PPM1H: variants seen among roughly 807,000 people sequenced by gnomAD.
The protein encoded by PPM1H is protein phosphatase, Mg2+/Mn2+ dependent 1H.
A neutral mutation model predicts 54.9 loss-of-function variants in PPM1H; 27 were observed. The ratio of observed to expected loss-of-function variants is 0.49; its 90% CI spans 0.36 to 0.68. PPM1H has a LOEUF of 0.68. PPM1H is among the 30% of genes least tolerant of loss of function. The pLI is 0.00. For missense variants in PPM1H, 596 were observed against 667.8 expected (o/e 0.89, Z 1.19); for synonymous variants, 305 against 270.8 (o/e 1.13, Z -1.24).
chr12:62,914,970 C>T (rs539812554), intron 1 of PPM1H, among the ~76,000 whole-genome samples: 105 of 152,330 alleles, frequency 6.9e-4, no homozygotes, highest in Non-Finnish European at 1.1e-3. Context: ...CTGTTTCACT[C>T]CCATATCTGC....
At chr12:62,691,015 A>G (rs1408158507) in intron 7 of PPM1H, among the ~76,000 whole-genome samples, 1 of 152,200 alleles carries the variant, frequency 6.6e-6, no homozygotes, top group Admixed American at 6.5e-5. Flanking sequence ...GAAACTTGGT[A>G]AGGGAGATAA....
At chr12:62,874,854 C>T (rs907289624) in intron 1 of PPM1H, among the ~76,000 whole-genome samples, 1 of 152,206 alleles carries the variant, frequency 6.6e-6, no homozygotes, top group Admixed American at 6.5e-5. Context: ...ACTGTCTCGC[C>T]ATTTTCAGTC....
At chr12:62,887,896 G>A (rs1272209066) in intron 1 of PPM1H, among the ~76,000 whole-genome samples, 1 of 152,204 alleles carries the variant, frequency 6.6e-6, no homozygotes, top group Non-Finnish European at 1.5e-5. Context: ...AGTTTGCATG[G>A]TTAGAGAACA....
chr12:62,884,959 G>A (rs922460001), intron 1 of PPM1H, among the ~76,000 whole-genome samples: 2 of 152,170 alleles, frequency 1.3e-5, no homozygotes, highest in Non-Finnish European at 2.9e-5. Context: ...AGACACACCC[G>A]AGTCTGGGAA....
chr12:62,819,233 G>T (rs2076887922), intron 2 of PPM1H, among the ~76,000 whole-genome samples: 1 of 150,096 alleles, frequency 6.7e-6, no homozygotes, highest in South Asian at 2.1e-4. Flanking sequence ...AAGTTAAAGT[G>T]ATTCTCCTGC....
intron 1 of PPM1H, among the ~76,000 whole-genome samples, chr12:62,858,579 A>G (rs7299978): frequency 0.12 from 17,931 of 152,220 alleles, 1,145 homozygotes; most frequent in African/African-American, 0.15. Context: ...AGAAATTGTG[A>G]GTAAACTGCC....
At chr12:62,918,779 A>G (rs572394126) in intron 1 of PPM1H, among the ~76,000 whole-genome samples, 18 of 152,356 alleles carry the variant, frequency 1.2e-4, no homozygotes, top group Middle Eastern at 3.4e-3. Context: ...ATAGAGTAAA[A>G]TATTTGTTTA....
At chr12:62,925,107 T>C (rs1871934071) in intron 1 of PPM1H, among the ~76,000 whole-genome samples, 1 of 151,896 alleles carries the variant, frequency 6.6e-6, no homozygotes, top group Non-Finnish European at 1.5e-5. Context: ...TATAAATAGA[T>C]GAATATCAAA....
At chr12:62,861,656 A>C (rs1869606023) in intron 1 of PPM1H, among the ~76,000 whole-genome samples, 2 of 152,268 alleles carry the variant, frequency 1.3e-5, no homozygotes, top group Admixed American at 6.5e-5. Context: ...AGAAAGAGGC[A>C]GGTGAGGAAA....
At chr12:62,705,635 G>C (rs2076168835) in intron 6 of PPM1H, among the ~76,000 whole-genome samples, 1 of 152,174 alleles carries the variant, frequency 6.6e-6, no homozygotes, top group Admixed American at 6.5e-5. Context: ...TTCTGATTCA[G>C]TATCCACTTG....
chr12:62,801,793 C>G, intron 3 of PPM1H, 23 bp downstream of exon 3: 1 of 1,611,920 alleles, frequency 6.2e-7, no homozygotes, highest in Non-Finnish European at 8.5e-7. Context: ...GCCCTGCTGC[C>G]CCAGACTCCC....
chr12:62,888,648 T>G (rs1870675407), intron 1 of PPM1H, among the ~76,000 whole-genome samples: 1 of 152,192 alleles, frequency 6.6e-6, no homozygotes, highest in African/African-American at 2.4e-5. Flanking sequence ...CCCTGTATTT[T>G]GTAACACGGA....
At position 62,832,290 on chromosome 12, in the gene PPM1H, A is replaced by G. The variant is rs1281664606; in HGVS notation, c.246-11T>C. 1.9e-6 allele frequency: 3 copies of G among 1,600,902 alleles called. No individual in the cohort carries two copies. The highest frequency in any genetic ancestry group is 2.6e-6 in the Non-Finnish European group (3 of 1,173,590). On this transcript the variant is annotated splice_polypyrimidine_tract_variant and intron_variant, in intron 1 of 9. Transcript: ENST00000228705. ...CCGGCATTGATAACCCTGGAGAAGA[A>G]GCCGGAAAAGCTGGTCAGACAGACC... is the stretch of plus-strand genomic sequence containing the variant.
intron 2 of PPM1H, among the ~76,000 whole-genome samples, chr12:62,831,510 T>C (rs1047046816): frequency 2.6e-5 from 4 of 152,018 alleles, no homozygotes; most frequent in Non-Finnish European, 5.9e-5. Context: ...CCAATTGAAA[T>C]AGATATTTAT....
intron 5 of PPM1H, among the ~76,000 whole-genome samples, chr12:62,729,846 T>C (rs1215663688): frequency 6.6e-6 from 1 of 152,222 alleles, no homozygotes; most frequent in East Asian, 1.9e-4. Context: ...TATTTACCCA[T>C]TCTACTTTCC....
intron 4 of PPM1H, among the ~76,000 whole-genome samples, chr12:62,752,011 T>C (rs1717540216): frequency 6.6e-6 from 1 of 152,202 alleles, no homozygotes. Flanking sequence ...GGGAAGCCCA[T>C]CTCTCATTCG....
intron 1 of PPM1H, among the ~76,000 whole-genome samples, chr12:62,887,628 G>A (rs1246051886): frequency 1.3e-5 from 2 of 152,174 alleles, no homozygotes; most frequent in African/African-American, 4.8e-5. Context: ...TATTTTATTT[G>A]TGGGAAACCA....
intron 4 of PPM1H, among the ~76,000 whole-genome samples, chr12:62,776,130 G>T (rs577632531): frequency 2.6e-5 from 4 of 152,172 alleles, no homozygotes; most frequent in African/African-American, 4.8e-5. Flanking sequence ...CCTCCCACCT[G>T]GTCCCCTCCC....
chr12:62,808,266 A>G (rs1283127455), intron 2 of PPM1H, among the ~76,000 whole-genome samples: 1 of 152,164 alleles, frequency 6.6e-6, no homozygotes, highest in East Asian at 1.9e-4. Flanking sequence ...TTGTAGGAAA[A>G]TGAGAGACAG....
Sources: gnomAD v4.1 joint callset for allele counts (sites outside exome capture counted in the v4.1 genomes callset) on GRCh38, gnomAD v4.1.1 for gene constraint, MANE v1.5 for transcripts, NCBI Gene and HGNC (gene_info 2026-07-23, HGNC 2026-07-21) for gene names.